Variants in TNIK observed in about 807,000 individuals in gnomAD.
The protein encoded by TNIK is TRAF2 and NCK interacting kinase, also known as TRAF2 and NCK-interacting protein kinase.
Under a neutral mutation model 191.3 loss-of-function variants are expected in TNIK, and 49 were observed. That is an observed-to-expected ratio of 0.26 (90% CI 0.20 to 0.32). The LOEUF (loss-of-function observed/expected upper bound fraction) is 0.32. Among genes scored for constraint, TNIK ranks in the 10% least tolerant of loss-of-function variants. TNIK has a pLI of 1.00. For synonymous variants in TNIK, 594 were observed against 600.9 expected (o/e 0.99, Z 0.17); for missense variants, 1,155 against 1,702.3 (o/e 0.68, Z 5.66).
chr3:171,458,637 A>G lies in TNIK; in HGVS notation c.57+1370T>C, dbSNP rs940247181. Among the ~76,000 whole-genome samples the G allele has an allele frequency of 3.3e-5, 5 of 152,360 alleles. 1 individual carries two copies. In the South Asian group the frequency reaches 1.0e-3, roughly 32 times the overall value. On this transcript the variant is annotated intron_variant, in intron 1 of 32. Coordinates refer to ENST00000436636, the MANE Select transcript of TNIK (RefSeq NM_015028.4). ...AGGTAGCACTTTAATATATCAGTGC[A>G]GATAGCGGCAATGTCAGAAGTACTA...
chr3:171,152,345 C>T (rs1168557950), intron 12 of TNIK, among the ~76,000 whole-genome samples: 1 of 151,588 alleles, frequency 6.6e-6, no homozygotes, highest in Non-Finnish European at 1.5e-5. Context: ...GAACAAAAAG[C>T]TGATAGCAAA....
chr3:171,244,612 C>T (rs1001149490), intron 2 of TNIK, among the ~76,000 whole-genome samples: 3 of 151,954 alleles, frequency 2.0e-5, no homozygotes, highest in Non-Finnish European at 4.4e-5. Context: ...ACTATTTCTA[C>T]CATGGCTTTA....
intron 28 of TNIK, among the ~76,000 whole-genome samples, chr3:171,072,716 T>C (rs539603713): frequency 7.9e-5 from 12 of 152,098 alleles, no homozygotes; most frequent in Non-Finnish European, 1.0e-4. Context: ...ATAACTTCAG[T>C]AAAGTTTCAG....
chr3:171,085,042 G>T, intron 25 of TNIK, 76 bp downstream of exon 25: 1 of 1,199,140 alleles, frequency 8.3e-7, no homozygotes, highest in Non-Finnish European at 1.2e-6. Flanking sequence ...ACTGAACTGA[G>T]GATTAATTTC....
At chr3:171,457,219 G>A (rs760682518) in intron 1 of TNIK, among the ~76,000 whole-genome samples, 10 of 152,120 alleles carry the variant, frequency 6.6e-5, no homozygotes, top group Non-Finnish European at 1.5e-4. Context: ...TGCTGTCATT[G>A]GTTGCTCTGG....
intron 1 of TNIK, among the ~76,000 whole-genome samples, chr3:171,403,318 G>C (rs1249187831): frequency 6.6e-6 from 1 of 152,204 alleles, no homozygotes; most frequent in Admixed American, 6.5e-5. Flanking sequence ...TTTTGTCTTA[G>C]AAAAGGGGGT....
At chr3:171,103,440 G>A (rs543087813) in intron 21 of TNIK, among the ~76,000 whole-genome samples, 2 of 152,196 alleles carry the variant, frequency 1.3e-5, no homozygotes, top group South Asian at 4.1e-4. Flanking sequence ...CCTGGCAATT[G>A]TCAATGCTTA....
intron 26 of TNIK, 65 bp downstream of exon 26, chr3:171,084,090 G>A: frequency 6.9e-7 from 1 of 1,449,068 alleles, no homozygotes; most frequent in Non-Finnish European, 9.1e-7. Context: ...GGCTTTTAAT[G>A]TTTGAGGGTC....
intron 1 of TNIK, among the ~76,000 whole-genome samples, chr3:171,441,593 T>G (rs1726809511): frequency 6.6e-6 from 1 of 152,244 alleles, no homozygotes; most frequent in Non-Finnish European, 1.5e-5. Context: ...TTTGGGCCAC[T>G]GTGAATGATG....
rs966262797 is a variant in TNIK at position 171,140,464 on chromosome 3, G to C, written c.1267C>G (p.Gln423Glu). 2.5e-6 allele frequency: 4 copies of C among 1,612,908 alleles called. No homozygotes were observed. The highest frequency in any genetic ancestry group is 3.4e-6 in the Non-Finnish European group (4 of 1,179,442). Residue 423 changes from glutamine to glutamate, a missense_variant, in exon 13 of 33, where the codon CAG (glutamine) becomes GAG (glutamate). By Grantham distance (29) the Gln-to-Glu change is conservative. This residue lies in a region of TNIK where 735 missense variants were observed against 848.0 expected (regional missense o/e 0.87). Transcript: ENST00000436636. ...ATCTGCTCCTCATAGTGCCGGCGCTGCTCCCTCTCCTGCTGCTTCCGCAGC... is the reference window on the plus strand; with the variant it reads ...ATCTGCTCCTCATAGTGCCGGCGCTCCTCCCTCTCCTGCTGCTTCCGCAGC... ...KELRKQQEREQRRHYEEQMRR... is the reference protein window; with the variant it reads ...KELRKQQEREERRHYEEQMRR...
intron 1 of TNIK, among the ~76,000 whole-genome samples, chr3:171,379,093 G>T (rs1717655915): frequency 6.6e-6 from 1 of 152,146 alleles, no homozygotes; most frequent in African/African-American, 2.4e-5. Flanking sequence ...GATGTAAGAA[G>T]ATTTAGTGCA....
chr3:171,393,607 T>C (rs1488461781), intron 1 of TNIK, among the ~76,000 whole-genome samples: 2 of 152,204 alleles, frequency 1.3e-5, no homozygotes, highest in South Asian at 4.1e-4. Context: ...TACCCTCTCA[T>C]AGCATAGTTT....
rs145233124 is a variant in TNIK, at chr3:171,131,884, C to T, written c.1609-3006G>A. 1.6e-4 allele frequency among the ~76,000 whole-genome samples: 25 copies of T among 152,258 alleles called. No homozygotes were observed. In the East Asian group the frequency reaches 4.8e-3, roughly 29 times the overall value. On this transcript the variant is annotated intron_variant, in intron 15 of 32. Coordinates refer to ENST00000436636, the MANE Select transcript of TNIK (RefSeq NM_015028.4). The stretch of plus-strand genomic sequence containing the variant: ...CTAGGCAGGCCCTTTTCATTATTTT[C>T]ATACTAGACAAAGGCCTGTTCCCTG...
rs73046820 is a variant in TNIK at position 171,342,091 on chromosome 3, C to G, written c.123+27529G>C. Among the ~76,000 whole-genome samples the G allele has an allele frequency of 7.1e-3, 1,084 of 152,286 alleles. 15 individuals are homozygous for G. Among genetic ancestry groups the G allele is most frequent in the African/African-American group, 0.025 (1,033 of 41,556 alleles). ...AACCAAAAGATCCATTGAGTTTGGC[C>G]TCTTTATGTTACTCATATAAATTAC... On this transcript the variant is annotated intron_variant, in intron 2 of 32. Transcript: ENST00000436636.
intron 2 of TNIK, among the ~76,000 whole-genome samples, chr3:171,337,216 A>G (rs1217289420): frequency 1.3e-5 from 2 of 152,252 alleles, no homozygotes; most frequent in Admixed American, 6.5e-5. Flanking sequence ...ATCTCATGCC[A>G]GGCAGGAAGT....
At chr3:171,267,016 A>G (rs1748483121) in intron 2 of TNIK, among the ~76,000 whole-genome samples, 2 of 152,238 alleles carry the variant, frequency 1.3e-5, no homozygotes, top group Admixed American at 1.3e-4. Flanking sequence ...TTTCAGCATT[A>G]TAAATTTTTT....
At chr3:171,354,487 TAGG>T (rs1236925917) in intron 2 of TNIK, among the ~76,000 whole-genome samples, 3 of 152,150 alleles carry the variant, frequency 2.0e-5, no homozygotes, top group African/African-American at 7.2e-5. Context: ...GACTAAAGCC[TAGG>T]AGTTCTCTGT....
intron 1 of TNIK, among the ~76,000 whole-genome samples, chr3:171,386,713 T>C (rs1006867949): frequency 4.6e-5 from 7 of 152,170 alleles, no homozygotes; most frequent in African/African-American, 1.7e-4. Context: ...TCAAGAAAAG[T>C]AATAACATAA....
chr3:171,171,277 C>T (rs1028065646), intron 9 of TNIK, among the ~76,000 whole-genome samples: 18 of 152,090 alleles, frequency 1.2e-4, no homozygotes, highest in African/African-American at 4.3e-4. Flanking sequence ...AATATTCAGT[C>T]TAGTAGAAGG....
Sources: gnomAD v4.1 joint callset for allele counts (sites outside exome capture counted in the v4.1 genomes callset) on GRCh38, gnomAD v4.1.1 for gene constraint, gnomAD v4.1.1 regional missense constraint, MANE v1.5 for transcripts, NCBI Gene and HGNC (gene_info 2026-07-23, HGNC 2026-07-21) for gene names.